Variants in SMOC2 observed in about 807,000 individuals in gnomAD.
SMOC2 encodes the protein SPARC related modular calcium binding 2.
Under a neutral mutation model 61.4 loss-of-function variants are expected in SMOC2, and 39 were observed. The observed-to-expected ratio is 0.64, with a 90% CI of 0.49 to 0.83. The LOEUF (loss-of-function observed/expected upper bound fraction) is 0.83. Among genes scored for constraint, SMOC2 ranks in the 40% least tolerant of loss-of-function variants. The pLI is 0.00. For synonymous variants in SMOC2, 247 were observed against 239.9 expected (o/e 1.03, Z -0.27); for missense variants, 556 against 592.9 (o/e 0.94, Z 0.65).
At chr6:168,631,342 C>A (rs1007142356) in intron 9 of SMOC2, among the ~76,000 whole-genome samples, 1 of 152,180 alleles carries the variant, frequency 6.6e-6, no homozygotes, top group African/African-American at 2.4e-5. Flanking sequence ...GAGATGACCC[C>A]TCAAAGCATT....
intron 9 of SMOC2, among the ~76,000 whole-genome samples, chr6:168,616,786 A>G (rs1375008079): frequency 6.6e-6 from 1 of 152,226 alleles, no homozygotes. Context: ...AGGCATCATA[A>G]GACAGGAAGA....
intron 1 of SMOC2, among the ~76,000 whole-genome samples, chr6:168,508,705 C>T (rs1782933792): frequency 1.3e-5 from 2 of 152,216 alleles, no homozygotes; most frequent in African/African-American, 2.4e-5. Context: ...TCCCCCTGCT[C>T]AAACTGGAAG....
At chr6:168,592,035 G>A (rs1270917687) in intron 7 of SMOC2, among the ~76,000 whole-genome samples, 1 of 152,088 alleles carries the variant, frequency 6.6e-6, no homozygotes, top group Non-Finnish European at 1.5e-5. Context: ...TTGAACTTTG[G>A]TTCCTTGTCC....
rs1387039586 is a variant in SMOC2, at chr6:168,475,602, C to T, written c.84+34148C>T. 1.3e-5 allele frequency among the ~76,000 whole-genome samples: 2 copies of T among 152,096 alleles called. No homozygotes were observed. The highest frequency in any genetic ancestry group is 2.1e-4 in the South Asian group (1 of 4,828). ...GGCACATGGGTCTGGAAGGCAGTGT[C>T]AGGACTGAGACAGGAGGGTGAGTCC... On this transcript the variant is annotated intron_variant, in intron 1 of 12. Coordinates refer to ENST00000356284, the MANE Select transcript of SMOC2 (RefSeq NM_001166412.2). This position sits in a 1 kb window ranked among gnomAD's most constrained non-coding sequence, Gnocchi z 4.6.
intron 1 of SMOC2, among the ~76,000 whole-genome samples, chr6:168,462,126 C>G (rs1781731811): frequency 6.6e-6 from 1 of 152,028 alleles, no homozygotes; most frequent in Admixed American, 6.5e-5. Context: ...CCCATCCTGC[C>G]CATCCTCTGA....
chr6:168,519,016 C>T (rs908088114), intron 2 of SMOC2, among the ~76,000 whole-genome samples: 1 of 103,858 alleles, frequency 9.6e-6, no homozygotes, highest in African/African-American at 2.9e-5. Flanking sequence ...AGTATGCGTG[C>T]ATGCGAACAT....
chr6:168,626,787 C>T (rs1235117075), intron 9 of SMOC2, among the ~76,000 whole-genome samples: 2 of 152,190 alleles, frequency 1.3e-5, no homozygotes, highest in Admixed American at 1.3e-4. Context: ...GGGGTCTTTA[C>T]CAGAATTTTA....
intron 1 of SMOC2, among the ~76,000 whole-genome samples, chr6:168,442,331 A>G (rs1446199657): frequency 6.6e-6 from 1 of 152,218 alleles, no homozygotes; most frequent in Non-Finnish European, 1.5e-5. Flanking sequence ...CGGCCAACGC[A>G]CGCGGTGTCA....
At chr6:168,451,138 C>G (rs1164824125) in intron 1 of SMOC2, among the ~76,000 whole-genome samples, 1 of 152,156 alleles carries the variant, frequency 6.6e-6, no homozygotes, top group African/African-American at 2.4e-5. Flanking sequence ...AGGGGAAAGC[C>G]CAGGAGAGCT....
intron 9 of SMOC2, among the ~76,000 whole-genome samples, chr6:168,620,925 G>GAGGTTTCCCTCTGACAGAGAAGGATAA (rs1786226764): frequency 6.6e-6 from 1 of 152,080 alleles, no homozygotes; most frequent in African/African-American, 2.4e-5. Context: ...GCAGTGCCCA[G>GAGGTTTCCCTCTGACAGAGAAGGATAA]ATGCATCAGC....
At position 168,453,593 on chromosome 6, in the gene SMOC2, T is replaced by C. The variant is rs982566080; in HGVS notation, c.84+12139T>C. On this transcript the variant is annotated intron_variant, in intron 1 of 12. Coordinates refer to ENST00000356284, the MANE Select transcript of SMOC2 (RefSeq NM_001166412.2). The surrounding 1 kb of genome is among the most constrained non-coding windows in gnomAD (Gnocchi z 4.4). The stretch of plus-strand genomic sequence containing the variant: ...CAGTCTCTGCCATTTGCTCTCTCTC[T>C]TTCTGTCTGTCTCTGTTTCTTCCTG... Among the ~76,000 whole-genome samples the C allele has an allele frequency of 2.0e-5, 3 of 148,874 alleles. No homozygotes were observed. Among genetic ancestry groups the C allele is most frequent in the African/African-American group, 7.3e-5 (3 of 41,022 alleles).
intron 4 of SMOC2, 73 bp downstream of exon 4, chr6:168,527,800 C>T: frequency 1.5e-5 from 15 of 1,006,578 alleles, no homozygotes; most frequent in South Asian, 1.1e-4. Flanking sequence ...ATCATCTTCC[C>T]TGGGTTTACT....
chr6:168,536,542 C>T (rs1783738109), intron 4 of SMOC2, among the ~76,000 whole-genome samples: 1 of 152,072 alleles, frequency 6.6e-6, no homozygotes, highest in African/African-American at 2.4e-5. Context: ...GGAAGGAGGT[C>T]CTACCACTTC....
chr6:168,591,071 TTAGA>T (rs1398753562), intron 7 of SMOC2, among the ~76,000 whole-genome samples: 1 of 152,228 alleles, frequency 6.6e-6, no homozygotes, highest in African/African-American at 2.4e-5. Flanking sequence ...TCTATAAAAG[TTAGA>T]ATTTATAGAA....
intron 5 of SMOC2, among the ~76,000 whole-genome samples, chr6:168,545,448 G>C (rs907761442): frequency 1.3e-5 from 2 of 152,174 alleles, no homozygotes; most frequent in Non-Finnish European, 2.9e-5. Context: ...AGCTCTTCGA[G>C]ATTTTTGTTT....
chr6:168,452,326 T>C lies in SMOC2; in HGVS notation c.84+10872T>C, dbSNP rs1325001323. Among the ~76,000 whole-genome samples the C allele has an allele frequency of 6.6e-6, 1 of 152,202 alleles. No individual in the cohort carries two copies. The highest frequency in any genetic ancestry group is 2.4e-5 in the African/African-American group (1 of 41,444). On this transcript the variant is annotated intron_variant, in intron 1 of 12. Transcript: ENST00000356284. This position sits in a 1 kb window ranked among gnomAD's most constrained non-coding sequence, Gnocchi z 5.0. ...CACATATCAGATAAGAGTATCATGTTATTGAAGCAGAATTTTGGTTTTAAA... is the reference window on the plus strand; with the variant it reads ...CACATATCAGATAAGAGTATCATGTCATTGAAGCAGAATTTTGGTTTTAAA...
rs9456211 is a variant in SMOC2, at chr6:168,576,931, T to C, written c.638-21887T>C. On this transcript the variant is annotated intron_variant, in intron 7 of 12. Transcript: ENST00000356284. The stretch of plus-strand genomic sequence containing the variant: ...CCCCTCAAGCACGCATGAGATTTCC[T>C]TTATACCTGGAGAAAGAAGGGCCCA... 9.8e-3 allele frequency among the ~76,000 whole-genome samples: 1,491 copies of C among 152,106 alleles called. 43 individuals are homozygous for C. Among genetic ancestry groups the C allele is most frequent in the African/African-American group, 0.034 (1,394 of 41,390 alleles).
chr6:168,644,650 T>C (rs1367139032), intron 9 of SMOC2, among the ~76,000 whole-genome samples: 5 of 137,184 alleles, frequency 3.6e-5, no homozygotes, highest in South Asian at 2.4e-4. Flanking sequence ...CTTTCTTTTT[T>C]TTTTTTTTTT....
chr6:168,518,445 ATG>A (rs71545160), intron 2 of SMOC2, among the ~76,000 whole-genome samples: 7 of 130,094 alleles, frequency 5.4e-5, no homozygotes, highest in African/African-American at 2.0e-4. Context: ...GTGACTGTGA[ATG>A]TGTGAATGTG....
Sources: allele counts gnomAD v4.1 joint callset (sites outside exome capture counted in the v4.1 genomes callset), GRCh38; gene constraint gnomAD v4.1.1; non-coding constraint Gnocchi (gnomAD v3.1); transcripts MANE v1.5; gene names NCBI Gene and HGNC (gene_info 2026-07-23, HGNC 2026-07-21).